PPP2R1A: variants seen among roughly 807,000 people sequenced by gnomAD.
PPP2R1A encodes serine/threonine-protein phosphatase 2A 65 kDa regulatory subunit A alpha isoform.
In PPP2R1A, 15 loss-of-function variants were observed where a neutral mutation model predicts 67.1. The ratio of observed to expected loss-of-function variants is 0.22; its 90% CI spans 0.15 to 0.34. The LOEUF is 0.34. PPP2R1A is among the 10% of genes least tolerant of loss of function. The pLI is 1.00. For synonymous variants in PPP2R1A, 337 were observed against 325.0 expected (o/e 1.04, Z -0.40); for missense variants, 369 against 775.0 (o/e 0.48, Z 6.22).
At chr19:52,191,258 C>A (rs1344295591) in intron 1 of PPP2R1A, 2 of 152,262 alleles carry the variant, frequency 1.3e-5, no homozygotes, top group Non-Finnish European at 2.9e-5. Flanking sequence ...CCACCTCCCA[C>A]CTGCTGTGTG....
At chr19:52,198,033 C>T (rs1049894855) in intron 1 of PPP2R1A, among the ~76,000 whole-genome samples, 1 of 152,210 alleles carries the variant, frequency 6.6e-6, no homozygotes, top group Non-Finnish European at 1.5e-5. Flanking sequence ...GTCAGTGAGG[C>T]GTGGTTGCCA....
At position 52,226,031 on chromosome 19, in the gene PPP2R1A, C is replaced by A. The variant is rs1216351901; in HGVS notation, c.*50C>A. On this transcript the variant is annotated 3_prime_UTR_variant, in exon 15 of 15. Coordinates refer to ENST00000322088, the MANE Select transcript of PPP2R1A (RefSeq NM_014225.6). ...CCTCTGGTGTCCACCCTCCAACCCCCACAAGTCCCTCTTTGGGGAGACACT... is the reference window on the plus strand; with the variant it reads ...CCTCTGGTGTCCACCCTCCAACCCCAACAAGTCCCTCTTTGGGGAGACACT... 2 of 1,613,920 alleles carry A rather than the reference C, an allele frequency of 1.2e-6. No individual in the cohort carries two copies. The highest frequency in any genetic ancestry group is 2.2e-5 in the South Asian group (2 of 91,082).
intron 12 of PPP2R1A, 94 bp downstream of exon 12, chr19:52,221,227 G>A: frequency 6.6e-7 from 1 of 1,518,168 alleles, no homozygotes; most frequent in Non-Finnish European, 9.0e-7. Flanking sequence ...GAGACACCTG[G>A]CTTGGGAATG....
Position 52,216,833 on chromosome 19 carries a change from C to G in PPP2R1A, c.1128+170C>G, listed in dbSNP as rs912678929. On this transcript the variant is annotated intron_variant, in intron 9 of 14. Transcript: ENST00000322088. This position sits in a 1 kb window ranked among gnomAD's most constrained non-coding sequence, Gnocchi z 4.3. The stretch of plus-strand genomic sequence containing the variant: ...ATAGCTGTGTGTTCATGCGTTCATT[C>G]CTCCAGGCACTCTTCATGAGGCCTT... Among the ~76,000 whole-genome samples the G allele has an allele frequency of 6.6e-6, 1 of 152,150 alleles. No homozygotes were observed. Among genetic ancestry groups the G allele is most frequent in the African/African-American group, 2.4e-5 (1 of 41,416 alleles).
chr19:52,212,860 T>A lies in PPP2R1A; in HGVS notation c.651+27T>A. The A allele has an allele frequency of 6.3e-7, 1 of 1,578,236 alleles. No homozygotes were observed. The highest frequency in any genetic ancestry group is 8.6e-7 in the Non-Finnish European group (1 of 1,160,496). ...TGAGTTTTGCTTCCTGGCCCTCTGC[T>A]CTCCCGTCCTTCTGGTGGTTCCTGC... On this transcript the variant is annotated intron_variant, in intron 5 of 14. Coordinates refer to ENST00000322088, the MANE Select transcript of PPP2R1A (RefSeq NM_014225.6). This position sits in a 1 kb window ranked among gnomAD's most constrained non-coding sequence, Gnocchi z 4.1.
chr19:52,194,088 CAAAAAAAAA>C (rs915576804), intron 1 of PPP2R1A, among the ~76,000 whole-genome samples: 4 of 60,510 alleles, frequency 6.6e-5, no homozygotes, highest in South Asian at 7.3e-4. Flanking sequence ...ACCCTGTCTC[CAAAAAAAAA>C]AAAAAAAAAA....
Position 52,219,622 on chromosome 19 carries a change from C to T in PPP2R1A, c.1129-69C>T, listed in dbSNP as rs1029975538. On this transcript the variant is annotated intron_variant, in intron 9 of 14. Transcript: ENST00000322088. This position sits in a 1 kb window ranked among gnomAD's most constrained non-coding sequence, Gnocchi z 4.0. ...GTCCATAAAAGTTGATGCAGCTGAGCTCTTTCCATCCTGTCCTGGGTTGCT... is the reference window on the plus strand; with the variant it reads ...GTCCATAAAAGTTGATGCAGCTGAGTTCTTTCCATCCTGTCCTGGGTTGCT... 6.8e-6 allele frequency: 10 copies of T among 1,469,678 alleles called. No homozygotes were observed. In the East Asian group the frequency reaches 1.4e-4, roughly 20 times the overall value. The allele number at this position is 1,469,678 out of a possible 1,614,324, so 91.0% of individuals were successfully genotyped here.
rs2122339036 is a variant in PPP2R1A at position 52,213,096 on chromosome 19, G to A, written c.793G>A (p.Asp265Asn). ...CTGGCGCGTCCGCTACATGGTGGCT[G>A]ACAAGTTCACAGAGGTAGATGAGCG... Reference protein sequence around the residue: ...KSWRVRYMVADKFTELQKAVG... With the variant: ...KSWRVRYMVANKFTELQKAVG... The change falls in exon 6 of 15, where the codon GAC (aspartate) becomes AAC (asparagine). Residue 265 changes from aspartate (D) to asparagine (N), a missense_variant. Physicochemically the swap from Asp to Asn is conservative, Grantham distance 23. Coordinates refer to ENST00000322088, the MANE Select transcript of PPP2R1A (RefSeq NM_014225.6). The surrounding 1 kb of genome is among the most constrained non-coding windows in gnomAD (Gnocchi z 4.2). 6.3e-7 allele frequency: 1 copy of A among 1,578,814 alleles called. No individual in the cohort carries two copies. The highest frequency in any genetic ancestry group is 8.6e-7 in the Non-Finnish European group (1 of 1,167,618).
At position 52,226,549 on chromosome 19, in the gene PPP2R1A, T is replaced by C. The variant is rs1022907597; in HGVS notation, c.*568T>C. On this transcript the variant is annotated 3_prime_UTR_variant, in exon 15 of 15. Transcript: ENST00000322088. Reference sequence around the variant, plus strand: ...ACCCCTATGTCCCGAAAGAATACTCTGGGGATCCCCCCAGGAGTGCTGCTG... The same window carrying C: ...ACCCCTATGTCCCGAAAGAATACTCCGGGGATCCCCCCAGGAGTGCTGCTG... 1 of 203,206 alleles carries C rather than the reference T, an allele frequency of 4.9e-6. No homozygotes were observed. The highest frequency in any genetic ancestry group is 2.3e-5 in the African/African-American group (1 of 43,456). The allele number at this position is 203,206 out of a possible 1,614,324, so 12.6% of individuals were successfully genotyped here.
intron 1 of PPP2R1A, among the ~76,000 whole-genome samples, chr19:52,200,811 T>A (rs919504180): frequency 1.3e-4 from 20 of 151,574 alleles, no homozygotes; most frequent in African/African-American, 4.9e-4. Context: ...TGCCTTCCCC[T>A]CTGTATCTGT....
chr19:52,194,088 C>CAAAAAAAAA (rs915576804), intron 1 of PPP2R1A, among the ~76,000 whole-genome samples: 20 of 60,496 alleles, frequency 3.3e-4, no homozygotes, highest in African/African-American at 4.9e-4. Context: ...ACCCTGTCTC[C>CAAAAAAAAA]AAAAAAAAAA....
chr19:52,215,949 G>C lies in PPP2R1A; in HGVS notation c.923-55G>C, dbSNP rs1978543897. The C allele has an allele frequency of 3.1e-6, 5 of 1,609,820 alleles. No individual in the cohort carries two copies. The African/African-American group carries it at 5.3e-5, about 17-fold the overall frequency. On this transcript the variant is annotated intron_variant, in intron 7 of 14. Transcript: ENST00000322088. ...GGGGTGGGTATCCAAGGGGCTGGAGGTGGAACTAGCACATCAGGTCTCACT... is the reference window on the plus strand; with the variant it reads ...GGGGTGGGTATCCAAGGGGCTGGAGCTGGAACTAGCACATCAGGTCTCACT...
At chr19:52,217,972 A>G (rs1978683831) in intron 9 of PPP2R1A, among the ~76,000 whole-genome samples, 1 of 152,138 alleles carries the variant, frequency 6.6e-6, no homozygotes, top group African/African-American at 2.4e-5. Context: ...GGCCAGCAGC[A>G]GTGTAGGCAG....
chr19:52,194,575 A>C (rs545336820), intron 1 of PPP2R1A, among the ~76,000 whole-genome samples: 2 of 151,876 alleles, frequency 1.3e-5, no homozygotes, highest in East Asian at 3.9e-4. Flanking sequence ...GTTAGCATGC[A>C]GGGGGGAAGT....
intron 6 of PPP2R1A, among the ~76,000 whole-genome samples, chr19:52,215,210 C>T (rs1978492672): frequency 6.6e-6 from 1 of 151,492 alleles, no homozygotes; most frequent in African/African-American, 2.4e-5. Context: ...TGCCTGCCCC[C>T]ACACCCGGCT....
At position 52,213,556 on chromosome 19, in the gene PPP2R1A, C is replaced by A. The variant is rs2089698768; in HGVS notation, c.807+446C>A. Reference sequence around the variant, plus strand: ...GGAGTGTGGTGGCGCAATCTTGGCTCACTGCAGCCTGTCCCTCCCGGGTGC... The same window carrying A: ...GGAGTGTGGTGGCGCAATCTTGGCTAACTGCAGCCTGTCCCTCCCGGGTGC... On this transcript the variant is annotated intron_variant, in intron 6 of 14. Coordinates refer to ENST00000322088, the MANE Select transcript of PPP2R1A (RefSeq NM_014225.6). This position sits in a 1 kb window ranked among gnomAD's most constrained non-coding sequence, Gnocchi z 4.2. 6.9e-6 allele frequency among the ~76,000 whole-genome samples: 1 copy of A among 144,816 alleles called. No homozygotes were observed. Among genetic ancestry groups the A allele is most frequent in the Non-Finnish European group, 1.5e-5 (1 of 66,874 alleles).
intron 9 of PPP2R1A, among the ~76,000 whole-genome samples, chr19:52,218,132 G>T (rs1318099546): frequency 1.3e-5 from 2 of 152,210 alleles, no homozygotes; most frequent in African/African-American, 4.8e-5. Flanking sequence ...GAAAAACTGG[G>T]CAGATGGTGC....
chr19:52,211,397 G>A lies in PPP2R1A; in HGVS notation c.408G>A (p.Ala136=), dbSNP rs748386684. Residue 136 remains alanine (A), a synonymous_variant, in exon 4 of 15, where the codon GCG becomes GCA. Coordinates refer to ENST00000322088, the MANE Select transcript of PPP2R1A (RefSeq NM_014225.6). The surrounding 1 kb of genome is among the most constrained non-coding windows in gnomAD (Gnocchi z 5.3). ...AHFVPLVKRL[A]GGDWFTSRTS... ...TTGTGCCGCTAGTGAAGCGGCTGGC[G>A]GGCGGCGACTGGTTCACCTCCCGCA... 1.1e-5 allele frequency: 17 copies of A among 1,613,816 alleles called. No homozygotes were observed. The highest frequency in any genetic ancestry group is 2.7e-5 in the African/African-American group (2 of 74,950).
chr19:52,218,001 G>A (rs1978686275), intron 9 of PPP2R1A, among the ~76,000 whole-genome samples: 2 of 152,190 alleles, frequency 1.3e-5, no homozygotes, highest in African/African-American at 4.8e-5. Context: ...GGAGGCTGTG[G>A]GAGTCTGGAA....
Sources: gnomAD v4.1 joint callset for allele counts (sites outside exome capture counted in the v4.1 genomes callset) on GRCh38, gnomAD v4.1.1 for gene constraint, Gnocchi (gnomAD v3.1) non-coding constraint, MANE v1.5 for transcripts, NCBI Gene and HGNC (gene_info 2026-07-23, HGNC 2026-07-21) for gene names.